The following GRIP1 variants were observed in gnomAD, a reference collection of about 807,000 sequenced individuals.
The protein encoded by GRIP1 is glutamate receptor interacting protein 1, also known as glutamate receptor-interacting protein 1.
A neutral mutation model predicts 129.9 loss-of-function variants in GRIP1; 45 were observed. The ratio of observed to expected loss-of-function variants is 0.35; its 90% confidence interval spans 0.27 to 0.44. The LOEUF (loss-of-function observed/expected upper bound fraction) is 0.44. Ranked by LOEUF, GRIP1 falls within the 20% of genes least tolerant of loss-of-function variation. The pLI is 1.00. For missense variants in GRIP1, 1,196 were observed against 1,396.8 expected (o/e 0.86, Z 2.29); for synonymous variants, 530 against 520.8 (o/e 1.02, Z -0.24).
chr12:66,521,006 T>C (rs1181904581), intron 5 of GRIP1, among the ~76,000 whole-genome samples: 1 of 152,176 alleles, frequency 6.6e-6, no homozygotes, highest in Non-Finnish European at 1.5e-5. Context: ...TAAACAGAAA[T>C]TTAGGAATGG....
chr12:67,038,726 A>C (rs1227631531), intron 1 of GRIP1, among the ~76,000 whole-genome samples: 1 of 152,236 alleles, frequency 6.6e-6, no homozygotes, highest in East Asian at 1.9e-4. Context: ...TCACTCAGGC[A>C]TCTGCCCATT....
At chr12:66,925,795 C>T (rs1005975739) in intron 1 of GRIP1, among the ~76,000 whole-genome samples, 1 of 152,118 alleles carries the variant, frequency 6.6e-6, no homozygotes, top group African/African-American at 2.4e-5. Context: ...CAGGCATGCG[C>T]CACCACACCT....
intron 19 of GRIP1, among the ~76,000 whole-genome samples, chr12:66,384,279 C>CA (rs61057772): frequency 6.6e-6 from 1 of 151,802 alleles, no homozygotes; most frequent in Non-Finnish European, 1.5e-5. Flanking sequence ...CTTTTTCTAG[C>CA]AAAAAAATAA....
At chr12:66,887,968 A>G (rs2040593384) in intron 1 of GRIP1, among the ~76,000 whole-genome samples, 1 of 152,370 alleles carries the variant, frequency 6.6e-6, no homozygotes, top group Middle Eastern at 3.4e-3. Flanking sequence ...AGCTTTTAAC[A>G]AACACAGAAA....
chr12:66,925,957 T>A (rs867518869), intron 1 of GRIP1, among the ~76,000 whole-genome samples: 1 of 152,232 alleles, frequency 6.6e-6, no homozygotes, highest in Non-Finnish European at 1.5e-5. Flanking sequence ...AATACCTGTT[T>A]AAGAAAATTT....
intron 7 of GRIP1, among the ~76,000 whole-genome samples, chr12:66,499,924 A>G (rs1230984242): frequency 6.6e-6 from 1 of 152,062 alleles, no homozygotes; most frequent in Non-Finnish European, 1.5e-5. Context: ...GTGGGAGGAT[A>G]GCTTGAGCCC....
In GRIP1 at chr12:66,433,198, G is replaced by T. The variant is rs1056175196; in HGVS notation, c.1688-570C>A. On this transcript the variant is annotated intron_variant, in intron 13 of 24. Transcript: ENST00000359742. ...GGGCAGTGAGAGTGGGTGGAGAGGT[G>T]CCTTAATTTGTAATGTGAAAAGTAC... Among the ~76,000 whole-genome samples the T allele has an allele frequency of 1.3e-5, 2 of 152,260 alleles. 1 individual carries two copies. The highest frequency in any genetic ancestry group is 4.1e-4 in the South Asian group (2 of 4,824).
intron 1 of GRIP1, among the ~76,000 whole-genome samples, chr12:66,636,404 TAA>T (rs2031373465): frequency 6.6e-6 from 1 of 152,212 alleles, no homozygotes; most frequent in African/African-American, 2.4e-5. Context: ...GTTAAAATTG[TAA>T]AGTTTGTTGT....
chr12:66,866,244 G>A (rs978102851), intron 1 of GRIP1, among the ~76,000 whole-genome samples: 1 of 152,172 alleles, frequency 6.6e-6, no homozygotes. Flanking sequence ...CAGGATGGGA[G>A]AATTGCTTGA....
At chr12:66,510,001 G>A (rs117059320) in intron 7 of GRIP1, among the ~76,000 whole-genome samples, 10,344 of 152,076 alleles carry the variant, frequency 0.068, 447 homozygotes, top group Admixed American at 0.14. Context: ...ATACTTTTAT[G>A]TTACTTTTCC....
At chr12:66,776,182 A>G (rs1279895698) in intron 1 of GRIP1, among the ~76,000 whole-genome samples, 1 of 152,242 alleles carries the variant, frequency 6.6e-6, no homozygotes, top group Non-Finnish European at 1.5e-5. Context: ...TAGTTTCAAG[A>G]TGACAAAACA....
chr12:66,467,765 G>A (rs2059326997), intron 7 of GRIP1, among the ~76,000 whole-genome samples: 1 of 152,194 alleles, frequency 6.6e-6, no homozygotes, highest in Non-Finnish European at 1.5e-5. Context: ...AACCTCACAT[G>A]AGCTCTGGCC....
chr12:66,933,366 T>C (rs2137414982), intron 1 of GRIP1, among the ~76,000 whole-genome samples: 1 of 152,332 alleles, frequency 6.6e-6, no homozygotes, highest in South Asian at 2.1e-4. Flanking sequence ...AAATAAATTG[T>C]CTTATATGGA....
chr12:66,997,390 GAAAC>G (rs781378550), intron 1 of GRIP1, among the ~76,000 whole-genome samples: 2 of 152,094 alleles, frequency 1.3e-5, no homozygotes, highest in Non-Finnish European at 1.5e-5. Flanking sequence ...GCCAGCCAGG[GAAAC>G]AAACAAAGTG....
intron 7 of GRIP1, among the ~76,000 whole-genome samples, chr12:66,475,789 A>G (rs1205981054): frequency 1.3e-5 from 2 of 152,232 alleles, no homozygotes; most frequent in African/African-American, 4.8e-5. Context: ...ATGAGAACAA[A>G]GACACAACAT....
At chr12:67,049,800 T>G (rs2044860351) in intron 1 of GRIP1, among the ~76,000 whole-genome samples, 1 of 151,616 alleles carries the variant, frequency 6.6e-6, no homozygotes, top group African/African-American at 2.4e-5. Context: ...TAAAAATACC[T>G]ATTTGAGATG....
intron 7 of GRIP1, among the ~76,000 whole-genome samples, chr12:66,512,468 G>A (rs2060727231): frequency 6.6e-6 from 1 of 151,888 alleles, no homozygotes; most frequent in African/African-American, 2.4e-5. Context: ...TGAAATTGTT[G>A]TATCTATTTA....
chr12:66,522,146 G>A (rs1207792646), intron 5 of GRIP1, among the ~76,000 whole-genome samples: 1 of 152,238 alleles, frequency 6.6e-6, no homozygotes, highest in Non-Finnish European at 1.5e-5. Context: ...CAGCTTTGAA[G>A]AGAGTAGTGG....
intron 1 of GRIP1, among the ~76,000 whole-genome samples, chr12:66,842,293 T>A (rs1247994649): frequency 2.6e-5 from 4 of 151,986 alleles, no homozygotes; most frequent in Non-Finnish European, 4.4e-5. Context: ...ATATAAAATT[T>A]TATATATACA....
Sources: allele counts gnomAD v4.1 joint callset (sites outside exome capture counted in the v4.1 genomes callset), GRCh38; gene constraint gnomAD v4.1.1; transcripts MANE v1.5; gene names NCBI Gene and HGNC (gene_info 2026-07-23, HGNC 2026-07-21).